Variants in C3orf33 observed in about 807,000 individuals in gnomAD.
C3orf33 encodes mitochondrial inner membrane subdomain organizer 1.
C3orf33 carries 23 observed loss-of-function variants against 28.7 expected under a neutral mutation model. The observed-to-expected ratio is 0.80, with a 90% CI of 0.58 to 1.13. The LOEUF (loss-of-function observed/expected upper bound fraction) is 1.13. Among genes scored for constraint, C3orf33 ranks in the 50% most tolerant of loss-of-function variants. The probability of loss-of-function intolerance (pLI) is 0.00; values close to 1 mark genes in which losing one functional copy is unlikely to be tolerated. For missense variants in C3orf33, 327 were observed against 353.4 expected (o/e 0.93, Z 0.60); for synonymous variants, 119 against 120.5 (o/e 0.99, Z 0.08).
intron 1 of C3orf33, 83 bp from the exon 2 acceptor site, chr3:155,802,674 A>G (rs1751683566): frequency 9.8e-7 from 1 of 1,023,490 alleles, no homozygotes; most frequent in Non-Finnish European, 1.5e-6. Context: ...AGAAAAAAAG[A>G]AGACTGTCCT....
chr3:155,767,196 T>C (rs1177360458), intron 4 of C3orf33, among the ~76,000 whole-genome samples: 8 of 151,050 alleles, frequency 5.3e-5, no homozygotes, highest in African/African-American at 1.9e-4. Flanking sequence ...GAGGTTGCAG[T>C]GGCCGAGATC....
chr3:155,806,082 G>C lies in C3orf33; in HGVS notation c.114+57C>G, dbSNP rs1243641912. Reference sequence around the variant, plus strand: ...CGCCTGAGGCCTCACGTTGTTCTCAGGGTCGCTCTGTGCCGCCCCGCGCCC... The same window carrying C: ...CGCCTGAGGCCTCACGTTGTTCTCACGGTCGCTCTGTGCCGCCCCGCGCCC... On this transcript the variant is annotated intron_variant, in intron 1 of 4. Transcript: ENST00000340171. 5 of 1,228,314 alleles carry C rather than the reference G, an allele frequency of 4.1e-6. No homozygotes were observed. In the South Asian group the frequency reaches 9.6e-5, roughly 24 times the overall value. The allele number at this position is 1,228,314 out of a possible 1,614,324, so 76.1% of individuals were successfully genotyped here.
At chr3:155,776,561 G>A (rs1750754113) in intron 2 of C3orf33, among the ~76,000 whole-genome samples, 1 of 151,840 alleles carries the variant, frequency 6.6e-6, no homozygotes, top group South Asian at 2.1e-4. Context: ...AGGTTGGAGG[G>A]TTACTTGAGG....
At chr3:155,789,609 G>A (rs1163615920) in intron 2 of C3orf33, among the ~76,000 whole-genome samples, 2 of 151,440 alleles carry the variant, frequency 1.3e-5, no homozygotes, top group Admixed American at 1.3e-4. Context: ...TCAGAAATAG[G>A]AAAATCCATC....
At chr3:155,782,501 A>G (rs1209933486) in intron 2 of C3orf33, among the ~76,000 whole-genome samples, 1 of 152,214 alleles carries the variant, frequency 6.6e-6, no homozygotes, top group Non-Finnish European at 1.5e-5. Flanking sequence ...AAGCAGCAAG[A>G]AAGAAGCAAT....
intron 2 of C3orf33, among the ~76,000 whole-genome samples, chr3:155,800,569 C>T (rs73003538): frequency 0.027 from 3,330 of 122,160 alleles, 147 homozygotes; most frequent in African/African-American, 0.098. Flanking sequence ...ATGATCATGC[C>T]AGTGCACTCT....
Position 155,775,713 on chromosome 3 carries a change from C to G in C3orf33, c.310G>C (p.Ala104Pro), listed in dbSNP as rs772163679. Residue 104 changes from alanine to proline, a missense_variant, in exon 3 of 5, where the codon GCT becomes CCT. Ala to Pro is a conservative substitution (Grantham distance 27, BLOSUM62 -1). Coordinates refer to ENST00000340171, the MANE Select transcript of C3orf33 (RefSeq NM_001308229.2). Reference sequence around the variant, plus strand: ...GTACCTTACTTACTTCTCAATGAAGCTATAATAGGTAAAGTAATAGGTATA... The same window carrying G: ...GTACCTTACTTACTTCTCAATGAAGGTATAATAGGTAAAGTAATAGGTATA... ...EHIPITLPII[A>P]SLRKEPRGAL... The G allele has an allele frequency of 1.3e-6, 2 of 1,551,660 alleles. No homozygotes were observed. Among genetic ancestry groups the G allele is most frequent in the South Asian group, 2.3e-5 (2 of 85,462 alleles).
intron 3 of C3orf33, among the ~76,000 whole-genome samples, chr3:155,774,005 C>A (rs530424229): frequency 6.6e-6 from 1 of 152,260 alleles, no homozygotes. Flanking sequence ...TGTTCCTTTA[C>A]AGTTGTACAT....
intron 2 of C3orf33, among the ~76,000 whole-genome samples, chr3:155,794,017 A>T (rs1301111172): frequency 3.3e-5 from 5 of 151,116 alleles, no homozygotes; most frequent in Admixed American, 2.0e-4. Context: ...AGTCTCACTC[A>T]GTCTGGCCCA....
intron 3 of C3orf33, among the ~76,000 whole-genome samples, 175 bp downstream of exon 3, chr3:155,775,526 T>A (rs1249919033): frequency 6.6e-6 from 1 of 151,090 alleles, no homozygotes; most frequent in African/African-American, 2.4e-5. Flanking sequence ...AAAGGAAATC[T>A]GAGCCAAATT....
At chr3:155,770,995 G>GTGTGTGTGTTA (rs1750568310) in intron 3 of C3orf33, among the ~76,000 whole-genome samples, 1 of 52,874 alleles carries the variant, frequency 1.9e-5, no homozygotes, top group Admixed American at 2.0e-4. Context: ...TGTGTGTGTT[G>GTGTGTGTGTTA]AGACATAGTT....
chr3:155,775,698 T>C lies in C3orf33; in HGVS notation c.322+3A>G. 2.0e-6 allele frequency: 3 copies of C among 1,514,600 alleles called. No individual in the cohort carries two copies. Among genetic ancestry groups the C allele is most frequent in the Non-Finnish European group, 2.7e-6 (3 of 1,109,124 alleles). The allele number at this position is 1,514,600 out of a possible 1,614,324, so 93.8% of individuals were successfully genotyped here. A position where few individuals can be genotyped will look rare whatever the true frequency, so the allele number is the denominator to read the frequency against. ...AGTTTCATTAATCTTGTACCTTACTTACTTCTCAATGAAGCTATAATAGGT... is the reference window on the plus strand; with the variant it reads ...AGTTTCATTAATCTTGTACCTTACTCACTTCTCAATGAAGCTATAATAGGT... On this transcript the variant is annotated splice_donor_region_variant and intron_variant, in intron 3 of 4. Coordinates refer to ENST00000340171, the MANE Select transcript of C3orf33 (RefSeq NM_001308229.2).
chr3:155,764,464 A>G (rs1404858820), intron 4 of C3orf33, among the ~76,000 whole-genome samples: 1 of 152,158 alleles, frequency 6.6e-6, no homozygotes, highest in Admixed American at 6.5e-5. Context: ...TTGGCCATTG[A>G]GTCTTCATCC....
chr3:155,795,247 G>C (rs1751442059), intron 2 of C3orf33, among the ~76,000 whole-genome samples: 1 of 152,104 alleles, frequency 6.6e-6, no homozygotes, highest in South Asian at 2.1e-4. Flanking sequence ...CCTGAGTTCG[G>C]GAATTCAAGA....
At chr3:155,774,630 T>G (rs1161163086) in intron 3 of C3orf33, among the ~76,000 whole-genome samples, 1 of 151,792 alleles carries the variant, frequency 6.6e-6, no homozygotes, top group Non-Finnish European at 1.5e-5. Context: ...CAACACAAAT[T>G]TGTAAACTTT....
chr3:155,768,735 CTG>C (rs1336831514), intron 3 of C3orf33, among the ~76,000 whole-genome samples: 1 of 152,136 alleles, frequency 6.6e-6, no homozygotes. Flanking sequence ...TCCTAGAACA[CTG>C]TTATATTATT....
chr3:155,782,253 T>C (rs560051495), intron 2 of C3orf33, among the ~76,000 whole-genome samples: 1 of 143,264 alleles, frequency 7.0e-6, no homozygotes, highest in East Asian at 2.1e-4. Flanking sequence ...GCCTAAGGAA[T>C]CTATGGAACA....
intron 1 of C3orf33, among the ~76,000 whole-genome samples, chr3:155,804,708 A>T (rs565859638): frequency 6.6e-6 from 1 of 152,200 alleles, no homozygotes; most frequent in East Asian, 1.9e-4. Context: ...CAATGTTATA[A>T]TCCCCCAAAT....
chr3:155,806,069 C>A, intron 1 of C3orf33, 70 bp downstream of exon 1: 2 of 1,123,236 alleles, frequency 1.8e-6, no homozygotes, highest in South Asian at 2.2e-5. Context: ...CCTGAGGCCT[C>A]ACGTTGTTCT....
Sources: allele counts gnomAD v4.1 joint callset (sites outside exome capture counted in the v4.1 genomes callset), GRCh38; gene constraint gnomAD v4.1.1; transcripts MANE v1.5; gene names NCBI Gene and HGNC (gene_info 2026-07-23, HGNC 2026-07-21).